Variants in RSPH6A observed in about 807,000 individuals in gnomAD.
RSPH6A encodes radial spoke head protein 6 homolog A.
A neutral mutation model predicts 66.1 loss-of-function variants in RSPH6A; 49 were observed. That is an observed-to-expected ratio of 0.74 (90% CI 0.59 to 0.94). The LOEUF is 0.94. Among genes scored for constraint, RSPH6A ranks in the 40% least tolerant of loss-of-function variants. RSPH6A has a pLI of 0.00. For missense variants in RSPH6A, 977 were observed against 948.3 expected (o/e 1.03, Z -0.40); for synonymous variants, 419 against 402.4 (o/e 1.04, Z -0.49).
At chr19:45,798,209 A>T (rs1483788270) in intron 5 of RSPH6A, among the ~76,000 whole-genome samples, 1 of 151,862 alleles carries the variant, frequency 6.6e-6, no homozygotes, top group Non-Finnish European at 1.5e-5. Context: ...AAATACAAAA[A>T]TTAGCTGGGC....
At position 45,795,890 on chromosome 19, in the gene RSPH6A, CT is replaced by C; in HGVS notation, c.2132del (p.Glu711GlyfsTer29). ...GGCCTCAGTCATCTGTCTCCTCGCC[CT>C]CCTCCTCCTCCTCGCCCTCCTCCTC... Reference protein sequence around the residue: ...EEEEEGEEEEEGEETDD With the variant: ...EEEEEGEEEEXGEETDD On this transcript the variant is annotated frameshift_variant, in exon 6 of 6. Coordinates refer to ENST00000221538, the MANE Select transcript of RSPH6A (RefSeq NM_030785.4). LOFTEE classifies it high-confidence loss of function. 1 of 1,326,688 alleles carries C rather than the reference CT, an allele frequency of 7.5e-7. No homozygotes were observed. Among genetic ancestry groups the C allele is most frequent in the Non-Finnish European group, 1.0e-6 (1 of 983,314 alleles). 82.2% of individuals were successfully genotyped at this position (1,326,688 alleles called of 1,614,324 possible).
At chr19:45,811,394 T>TC (rs113707779) in intron 1 of RSPH6A, among the ~76,000 whole-genome samples, 12,122 of 152,136 alleles carry the variant, frequency 0.08, 552 homozygotes, top group Non-Finnish European at 0.098. Flanking sequence ...TAGTACTGAA[T>TC]GGGGCCTGGG....
chr19:45,814,069 G>T (rs186007037), intron 1 of RSPH6A, among the ~76,000 whole-genome samples: 1 of 152,138 alleles, frequency 6.6e-6, no homozygotes, highest in East Asian at 1.9e-4. Context: ...TGAAGCAGAA[G>T]AATCACTTGA....
In RSPH6A at chr19:45,804,825, C is replaced by T. The variant is rs766469916; in HGVS notation, c.1080G>A (p.Val360=). 13 of 1,614,066 alleles carry T rather than the reference C, an allele frequency of 8.1e-6. No individual in the cohort carries two copies. The East Asian group carries it at 2.5e-4, about 30-fold the overall frequency. ...CCTCCTCCTCGCCCTCCCGGAATTC[C>T]ACCTCGGCCACCAGGTAGCTGCGTT... is the stretch of plus-strand genomic sequence containing the variant. ...GIKRSYLVAE[V]EFREGEEEAE... The change falls in exon 3 of 6, where the codon GTG becomes GTA. Residue 360 remains valine, a synonymous_variant. Coordinates refer to ENST00000221538, the MANE Select transcript of RSPH6A (RefSeq NM_030785.4). This position sits in a 1 kb window ranked among gnomAD's most constrained non-coding sequence, Gnocchi z 5.8.
intron 2 of RSPH6A, among the ~76,000 whole-genome samples, chr19:45,808,488 G>A (rs886884003): frequency 5.3e-5 from 8 of 151,998 alleles, no homozygotes; most frequent in African/African-American, 1.9e-4. Context: ...AGCTACTCGG[G>A]AGGCTGAGGC....
chr19:45,812,138 C>CTGG (rs1404305855), intron 1 of RSPH6A, among the ~76,000 whole-genome samples: 1 of 151,616 alleles, frequency 6.6e-6, no homozygotes, highest in Non-Finnish European at 1.5e-5. Context: ...GTCACTCAGG[C>CTGG]TGGAGTGCAG....
In RSPH6A at chr19:45,814,646, G is replaced by C; in HGVS notation, c.531C>G (p.Pro177=). The C allele has an allele frequency of 6.2e-7, 1 of 1,608,742 alleles. No homozygotes were observed. ...IRDDPALQFL[P]SELGFPHYSA... ...TGTAGTGTGGGAAGCCCAGCTCAGA[G>C]GGCAAGAACTGAAGGGCAGGGTCAT... The change falls in exon 1 of 6, where the codon CCC becomes CCG. Residue 177 remains proline, a synonymous_variant. Transcript: ENST00000221538.
At chr19:45,814,482 C>G (rs1462041927) in intron 1 of RSPH6A, 45 bp downstream of exon 1, 1 of 1,445,914 alleles carries the variant, frequency 6.9e-7, no homozygotes, top group African/African-American at 1.4e-5. Flanking sequence ...TGGGGCCCCT[C>G]CCTGCCTGGG....
intron 1 of RSPH6A, among the ~76,000 whole-genome samples, chr19:45,813,233 C>G (rs1970650884): frequency 6.6e-6 from 1 of 152,144 alleles, no homozygotes; most frequent in South Asian, 2.1e-4. Context: ...TTTGCATTTG[C>G]AGTGTGCTCT....
At chr19:45,796,128 G>A in intron 5 of RSPH6A, 22 bp from the exon 6 acceptor site, 1 of 1,432,810 alleles carries the variant, frequency 7.0e-7, no homozygotes, top group East Asian at 2.4e-5. Flanking sequence ...GTGAGACACT[G>A]TGAAATTCTC....
At chr19:45,802,351 T>G (rs1403924334) in intron 3 of RSPH6A, 87 bp from the exon 4 acceptor site, 2 of 1,218,340 alleles carry the variant, frequency 1.6e-6, no homozygotes, top group Non-Finnish European at 2.1e-6. Flanking sequence ...CCAACAGGCA[T>G]AGCCTTGTCC....
At chr19:45,807,417 A>G (rs28667069) in intron 2 of RSPH6A, among the ~76,000 whole-genome samples, 10,233 of 151,912 alleles carry the variant, frequency 0.067, 455 homozygotes, top group African/African-American at 0.12. Context: ...GGGTTTCACC[A>G]TGTTAGCCAG....
intron 1 of RSPH6A, among the ~76,000 whole-genome samples, chr19:45,811,820 T>G (rs2146289911): frequency 6.6e-6 from 1 of 150,376 alleles, no homozygotes; most frequent in East Asian, 1.9e-4. Context: ...TTGCCCAGGC[T>G]GGAGTGCAGT....
Position 45,811,953 on chromosome 19 carries a change from G to GT in RSPH6A, c.651-1114dup, listed in dbSNP as rs1338899090. On this transcript the variant is annotated intron_variant, in intron 1 of 5. Coordinates refer to ENST00000221538, the MANE Select transcript of RSPH6A (RefSeq NM_030785.4). ...ACACCACCATCCCCGGCTAATTTTT[G>GT]TATTTTTAGTAGAGACGGGGTTTCA... Among the ~76,000 whole-genome samples, 2 of 149,456 alleles carry GT rather than the reference G, an allele frequency of 1.3e-5. 1 individual carries two copies. The highest frequency in any genetic ancestry group is 3.0e-5 in the Non-Finnish European group (2 of 67,338).
chr19:45,804,703 T>A lies in RSPH6A; in HGVS notation c.1202A>T (p.Asp401Val). 3 of 1,613,686 alleles carry A rather than the reference T, an allele frequency of 1.9e-6. No homozygotes were observed. Among genetic ancestry groups the A allele is most frequent in the Non-Finnish European group, 1.7e-6 (2 of 1,179,910 alleles). ...EGEEDEEKAV[D>V]IVPKSVWKPP... ...CTTCCATACGGACTTAGGGACGATG[T>A]CCACGGCCTTCTCCTCGTCCTCCTC... is the stretch of plus-strand genomic sequence containing the variant. Residue 401 changes from aspartate (D) to valine (V), a missense_variant, in exon 3 of 6, where the codon GAC (aspartate) becomes GTC (valine). Physicochemically the swap from Asp to Val is radical, Grantham distance 152. Coordinates refer to ENST00000221538, the MANE Select transcript of RSPH6A (RefSeq NM_030785.4). The surrounding 1 kb of genome is among the most constrained non-coding windows in gnomAD (Gnocchi z 5.8).
chr19:45,800,902 A>T (rs1310160924), intron 4 of RSPH6A, among the ~76,000 whole-genome samples: 2 of 145,208 alleles, frequency 1.4e-5, no homozygotes, highest in African/African-American at 5.1e-5. Flanking sequence ...GGTTCAAACG[A>T]CTCTCCTTCC....
In RSPH6A at chr19:45,804,383, C is replaced by T. The variant is rs756728011; in HGVS notation, c.1522G>A (p.Asp508Asn). Residue 508 changes from aspartate (D) to asparagine (N), a missense_variant, in exon 3 of 6, where the codon GAC becomes AAC. Asp to Asn is a conservative substitution (Grantham distance 23). Coordinates refer to ENST00000221538, the MANE Select transcript of RSPH6A (RefSeq NM_030785.4). This position sits in a 1 kb window ranked among gnomAD's most constrained non-coding sequence, Gnocchi z 5.8. ...GFYQFSEEEG[D>N]EEEEGGAGRD... ...CCAGCACCACCTTCCTCCTCCTCGT[C>T]GCCCTCCTCCTCACTAAACTGGTAG... The T allele has an allele frequency of 1.2e-6, 2 of 1,614,226 alleles. No homozygotes were observed. Among genetic ancestry groups the T allele is most frequent in the South Asian group, 1.1e-5 (1 of 91,088 alleles).
Position 45,796,070 on chromosome 19 carries a change from C to A in RSPH6A, c.1953G>T (p.Lys651Asn). 1 of 1,600,296 alleles carries A rather than the reference C, an allele frequency of 6.2e-7. No homozygotes were observed. Among genetic ancestry groups the A allele is most frequent in the Non-Finnish European group, 8.5e-7 (1 of 1,170,484 alleles). Reference sequence around the variant, plus strand: ...CCGGGTTGAAGCTCTCGGGGCTGTACTTGTGACCCCAGCCGATGTAGATGT... The same window carrying A: ...CCGGGTTGAAGCTCTCGGGGCTGTAATTGTGACCCCAGCCGATGTAGATGT... ...FENIYIGWGH[K>N]YSPESFNPAL... The change falls in exon 6 of 6, where the codon AAG becomes AAT. Residue 651 changes from lysine (K) to asparagine (N), a missense_variant. Transcript: ENST00000221538.
chr19:45,805,017 C>G lies in RSPH6A; in HGVS notation c.889-1G>C. On this transcript the variant is annotated splice_acceptor_variant, in intron 2 of 5. Transcript: ENST00000221538. LOFTEE classifies it high-confidence loss of function. The stretch of plus-strand genomic sequence containing the variant: ...TGATGTTGGGCACTGGTGTCTCCCC[C>G]TGCGCAGGGTAGGGTGGAGGGCAGA... The G allele has an allele frequency of 6.2e-7, 1 of 1,606,160 alleles. No individual in the cohort carries two copies.
Sources: allele counts gnomAD v4.1 joint callset (sites outside exome capture counted in the v4.1 genomes callset), GRCh38; gene constraint gnomAD v4.1.1; non-coding constraint Gnocchi (gnomAD v3.1); transcripts MANE v1.5; gene names NCBI Gene and HGNC (gene_info 2026-07-23, HGNC 2026-07-21).